The following ANK2 variants were observed in gnomAD, a reference collection of about 807,000 sequenced individuals.
ANK2 encodes ankyrin 2.
Under a neutral mutation model 360.5 loss-of-function variants are expected in ANK2, and 83 were observed. That is an observed-to-expected ratio of 0.23 (90% CI 0.19 to 0.28). The LOEUF is 0.28. Ranked by LOEUF, ANK2 falls within the 10% of genes least tolerant of loss-of-function variation. The pLI is 1.00. For missense variants in ANK2, 4,201 were observed against 4,795.7 expected, an observed-to-expected ratio of 0.88 and a Z score of 3.66; for synonymous variants, 1,740 against 1,759.5, an observed-to-expected ratio of 0.99 and a Z score of 0.28.
chr4:112,774,951 G>T, the ANK2 span, among the ~76,000 whole-genome samples: 2 of 152,196 alleles, frequency 1.3e-5, no homozygotes. Flanking sequence ...GGCCGCTGGA[G>T]AATAATTTTT....
At chr4:112,946,088 G>T (rs1328789593) in intron 2 of ANK2, among the ~76,000 whole-genome samples, 1 of 152,172 alleles carries the variant, frequency 6.6e-6, no homozygotes, top group African/African-American at 2.4e-5. Flanking sequence ...TTTTAAATTA[G>T]TGATTTTCTG....
At chr4:113,161,960 G>T (rs999178098) in intron 1 of ANK2, among the ~76,000 whole-genome samples, 1 of 152,036 alleles carries the variant, frequency 6.6e-6, no homozygotes, top group Non-Finnish European at 1.5e-5. Flanking sequence ...TCTATCTTTA[G>T]TCCATGCCCG....
chr4:113,096,401 G>A (rs540440637), intron 1 of ANK2, among the ~76,000 whole-genome samples: 13 of 152,172 alleles, frequency 8.5e-5, no homozygotes, highest in African/African-American at 2.9e-4. Flanking sequence ...CTGGTAAGGC[G>A]CTCCATGGGC....
chr4:112,783,628 A>T, the ANK2 span, among the ~76,000 whole-genome samples: 5 of 141,212 alleles, frequency 3.5e-5, no homozygotes, highest in South Asian at 4.7e-4. Flanking sequence ...ATGTTGATAT[A>T]TTATTTATTT....
intron 2 of ANK2, among the ~76,000 whole-genome samples, chr4:112,966,813 A>G (rs2037467426): frequency 6.6e-6 from 1 of 152,244 alleles, no homozygotes; most frequent in Admixed American, 6.5e-5. Flanking sequence ...TTGACAATGC[A>G]TAAAATGCTG....
chr4:113,011,064 T>C (rs1299150509), intron 2 of ANK2, among the ~76,000 whole-genome samples: 1 of 152,124 alleles, frequency 6.6e-6, no homozygotes, highest in Non-Finnish European at 1.5e-5. Flanking sequence ...GTTTTGCTGC[T>C]AAATAAGTTA....
chr4:112,820,224 A>G (rs1054505858), intron 1 of ANK2, among the ~76,000 whole-genome samples: 43 of 152,336 alleles, frequency 2.8e-4, no homozygotes, highest in African/African-American at 9.4e-4. Context: ...TAGGCTAGCT[A>G]TGTTTAATGC....
intron 1 of ANK2, among the ~76,000 whole-genome samples, chr4:112,856,547 G>A (rs2066452606): frequency 6.6e-6 from 1 of 152,156 alleles, no homozygotes; most frequent in South Asian, 2.1e-4. Flanking sequence ...GGCCAATATG[G>A]TGAAACCCCA....
intron 40 of ANK2, 92 bp downstream of exon 40, chr4:113,363,561 C>T (rs1422910563): frequency 2.8e-5 from 40 of 1,435,866 alleles, no homozygotes; most frequent in Non-Finnish European, 3.8e-5. Flanking sequence ...AGTAAAGAAG[C>T]AAATGCCATT....
chr4:113,046,800 CTG>C (rs2064594141), upstream of ANK2, among the ~76,000 whole-genome samples: 1 of 152,178 alleles, frequency 6.6e-6, no homozygotes, highest in Non-Finnish European at 1.5e-5. Flanking sequence ...AAGCCAAAAT[CTG>C]AGAATTTACA....
chr4:113,345,784 G>A lies in ANK2; in HGVS notation c.4249-116G>A, dbSNP rs1226665949. The stretch of plus-strand genomic sequence containing the variant: ...TAGGAAAAGAGAAAGGAAATCCTTT[G>A]AGTTCTTACCTAGCAGTAACAAATG... On this transcript the variant is annotated intron_variant, in intron 34 of 45. Coordinates refer to ENST00000357077, the MANE Select transcript of ANK2 (RefSeq NM_001148.6). The A allele has an allele frequency of 4.4e-6, 6 of 1,359,522 alleles. No homozygotes were observed. The African/African-American group carries it at 8.7e-5, about 20-fold the overall frequency. The allele number at this position is 1,359,522 out of a possible 1,614,324, so 84.2% of individuals were successfully genotyped here. A position where few individuals can be genotyped will look rare whatever the true frequency, so the allele number is the denominator to read the frequency against.
At chr4:113,318,676 AAAC>A in intron 26 of ANK2, 56 bp downstream of exon 26, 1 of 1,427,864 alleles carries the variant, frequency 7.0e-7, no homozygotes, top group East Asian at 2.4e-5. Context: ...ATGGGAGTGA[AAAC>A]AACAGCTTTG....
chr4:113,001,331 C>CAAAAAAAAAAAAAAAAAAAAA (rs11310852), intron 2 of ANK2, among the ~76,000 whole-genome samples: 1 of 84,218 alleles, frequency 1.2e-5, no homozygotes, highest in Non-Finnish European at 2.3e-5. Context: ...AACTCTGTCT[C>CAAAAAAAAAAAAAAAAAAAAA]AAAAAAAAAA....
intron 1 of ANK2, among the ~76,000 whole-genome samples, chr4:112,847,577 C>G (rs2063615280): frequency 1.3e-5 from 2 of 152,156 alleles, no homozygotes; most frequent in Non-Finnish European, 2.9e-5. Flanking sequence ...ATTTGTCTTT[C>G]TAAAGTACAT....
At chr4:112,722,889 A>G in the ANK2 span, among the ~76,000 whole-genome samples, 80 of 152,180 alleles carry the variant, frequency 5.3e-4, no homozygotes, top group African/African-American at 1.9e-3. Context: ...GCTTGAGCCC[A>G]GGAGTTTGAG....
intron 1 of ANK2, among the ~76,000 whole-genome samples, chr4:113,162,775 T>A (rs1257746872): frequency 1.3e-5 from 2 of 151,740 alleles, no homozygotes; most frequent in East Asian, 3.9e-4. Flanking sequence ...TATAAAATCT[T>A]TGAGGGGATG....
chr4:113,118,015 C>T (rs1001584092), intron 1 of ANK2, among the ~76,000 whole-genome samples: 4 of 152,122 alleles, frequency 2.6e-5, no homozygotes, highest in African/African-American at 9.7e-5. Context: ...TGTTTTCTAT[C>T]ATTAATCCTT....
intron 2 of ANK2, among the ~76,000 whole-genome samples, chr4:113,007,798 A>G (rs916684853): frequency 6.6e-6 from 1 of 152,180 alleles, no homozygotes; most frequent in African/African-American, 2.4e-5. Context: ...CACTACTTGC[A>G]CTTGACTAGT....
upstream of ANK2, among the ~76,000 whole-genome samples, chr4:112,817,726 T>A (rs985174869): frequency 1.3e-5 from 2 of 152,058 alleles, no homozygotes; most frequent in Non-Finnish European, 2.9e-5. Flanking sequence ...GTGGTGGTAG[T>A]GATTTATAGA....
Sources: gnomAD v4.1 joint callset for allele counts (sites outside exome capture counted in the v4.1 genomes callset) on GRCh38, gnomAD v4.1.1 for gene constraint, MANE v1.5 for transcripts, NCBI Gene and HGNC (gene_info 2026-07-23, HGNC 2026-07-21) for gene names.